COL16A1: variants seen among roughly 807,000 people sequenced by gnomAD.
COL16A1 encodes the protein collagen alpha-1(XVI) chain.
Under a neutral mutation model 266.3 loss-of-function variants are expected in COL16A1, and 189 were observed. The ratio of observed to expected loss-of-function variants is 0.71; its 90% CI spans 0.63 to 0.80. COL16A1 has a LOEUF of 0.80. Ranked by LOEUF, COL16A1 falls within the 30% of genes least tolerant of loss-of-function variation. COL16A1 has a pLI of 0.00. For synonymous variants in COL16A1, 740 were observed against 782.3 expected, an observed-to-expected ratio of 0.95 and a Z score of 0.90; for missense variants, 1,928 against 2,122.4, an observed-to-expected ratio of 0.91 and a Z score of 1.80.
chr1:31,668,830 G>A lies in COL16A1; in HGVS notation c.3221C>T (p.Thr1074Met), dbSNP rs773451673. 1.4e-5 allele frequency: 22 copies of A among 1,613,706 alleles called. No homozygotes were observed. The highest frequency in any genetic ancestry group is 6.6e-5 in the South Asian group (6 of 91,054). Reference protein sequence around the residue: ...LPGLQGERGLTGLTGDKGEPG... With the variant: ...LPGLQGERGLMGLTGDKGEPG... ...CTCCCCCTTGTCTCCAGTCAGGCCC[G>A]TGAGACCTCGCTCTCCTTGAAGGCC... is the stretch of plus-strand genomic sequence containing the variant. Residue 1074 changes from threonine to methionine, a missense_variant, in exon 50 of 71, where the codon ACG (threonine) becomes ATG (methionine). Transcript: ENST00000373672. This position sits in a 1 kb window ranked among gnomAD's most constrained non-coding sequence, Gnocchi z 5.8.
chr1:31,699,886 T>C lies in COL16A1; in HGVS notation c.193A>G (p.Ile65Val). 1.2e-6 allele frequency: 2 copies of C among 1,614,110 alleles called. No individual in the cohort carries two copies. The highest frequency in any genetic ancestry group is 1.7e-6 in the Non-Finnish European group (2 of 1,179,954). The change falls in exon 4 of 71, where the codon ATC becomes GTC. Residue 65 changes from isoleucine (I) to valine (V), a missense_variant. Coordinates refer to ENST00000373672, the MANE Select transcript of COL16A1 (RefSeq NM_001856.4). ...CCCTTGGGGTTGCGGATCTTCTTGA[T>C]GGCAGACGTCTTCATGAGGCTGAGT... is the stretch of plus-strand genomic sequence containing the variant. The part of the protein sequence containing the change: ...HRLSLMKTSA[I>V]KKIRNPKGPL...
chr1:31,655,804 C>A, intron 66 of COL16A1: 1 of 408,130 alleles, frequency 2.5e-6, no homozygotes, highest in East Asian at 4.8e-5. Flanking sequence ...TCCTCAGCCT[C>A]CTCTCCCCAC....
At position 31,664,156 on chromosome 1, in the gene COL16A1, A is replaced by AGGAAGG. The variant is rs71006319; in HGVS notation, c.3555+1010_3555+1015dup. 2.2e-3 allele frequency among the ~76,000 whole-genome samples: 293 copies of AGGAAGG among 135,022 alleles called. 2 individuals carry two copies. The highest frequency in any genetic ancestry group is 6.2e-3 in the African/African-American group (203 of 32,646). The allele number at this position is 135,022 out of a possible 152,430, so 88.6% of individuals were successfully genotyped here. A position where few individuals can be genotyped will look rare whatever the true frequency, so the allele number is the denominator to read the frequency against. On this transcript the variant is annotated intron_variant, in intron 56 of 70. Coordinates refer to ENST00000373672, the MANE Select transcript of COL16A1 (RefSeq NM_001856.4). The surrounding 1 kb of genome is among the most constrained non-coding windows in gnomAD (Gnocchi z 5.5). ...TGCCACTCAGGTCCTGGGGAGGGGA[A>AGGAAGG]GGAAGGGGAAGGGGAAGGGGAAGGG...
At chr1:31,690,115 G>C (rs991938658) in intron 22 of COL16A1, 4 of 643,924 alleles carry the variant, frequency 6.2e-6, no homozygotes, top group Non-Finnish European at 7.9e-6. Flanking sequence ...TGGAAACTTG[G>C]GCTAAGAGAG....
rs1236284328 is a variant in COL16A1, at chr1:31,665,632, C to A, written c.3457-14G>T. 1 of 1,612,828 alleles carries A rather than the reference C, an allele frequency of 6.2e-7. No individual in the cohort carries two copies. The highest frequency in any genetic ancestry group is 8.5e-7 in the Non-Finnish European group (1 of 1,179,364). On this transcript the variant is annotated splice_polypyrimidine_tract_variant and intron_variant, in intron 54 of 70. Transcript: ENST00000373672. ...GCCTTGAAATCCCTAGGGTGAGAAG[C>A]AAGGGGCAGTGTGCTGTGCCACCCC...
In COL16A1 at chr1:31,697,898, G is replaced by T; in HGVS notation, c.657+8C>A. ...GGAACAGAGGTCAGGGCCTGACCTA[G>T]CACTCACCGAGACAGGCTTGCCCTG... On this transcript the variant is annotated splice_region_variant and intron_variant, in intron 6 of 70. Coordinates refer to ENST00000373672, the MANE Select transcript of COL16A1 (RefSeq NM_001856.4). This position sits in a 1 kb window ranked among gnomAD's most constrained non-coding sequence, Gnocchi z 4.2. The T allele has an allele frequency of 1.9e-6, 3 of 1,606,350 alleles. No individual in the cohort carries two copies. Among genetic ancestry groups the T allele is most frequent in the Non-Finnish European group, 2.6e-6 (3 of 1,176,090 alleles).
intron 22 of COL16A1, 37 bp from the exon 23 acceptor site, chr1:31,689,888 G>A (rs375699787): frequency 3.1e-4 from 496 of 1,590,514 alleles, no homozygotes; most frequent in Non-Finnish European, 4.0e-4. Context: ...GACAGGGTGG[G>A]GCTGAGACCC....
intron 8 of COL16A1, 83 bp from the exon 9 acceptor site, chr1:31,696,224 C>T (rs1434562267): frequency 7.2e-6 from 9 of 1,252,590 alleles, no homozygotes; most frequent in Admixed American, 3.5e-5. Flanking sequence ...AGGCAGGGGG[C>T]ATGGGCCCCA....
Position 31,691,050 on chromosome 1 carries a change from C to A in COL16A1, c.1437+138G>T, listed in dbSNP as rs562723398. ...TCCCCGCCAAGGGGCCTGGCCAAGC[C>A]GAGCCCAGCCTCCTCCTCCAAAGGC... On this transcript the variant is annotated intron_variant, in intron 20 of 70. Coordinates refer to ENST00000373672, the MANE Select transcript of COL16A1 (RefSeq NM_001856.4). 8.6e-6 allele frequency: 12 copies of A among 1,396,002 alleles called. No homozygotes were observed. The East Asian group carries it at 2.5e-4, about 30-fold the overall frequency. 86.5% of individuals were successfully genotyped at this position (1,396,002 alleles called of 1,614,324 possible). A position where few individuals can be genotyped will look rare whatever the true frequency, so the allele number is the denominator to read the frequency against.
chr1:31,671,441 G>A (rs1451387677), intron 48 of COL16A1, among the ~76,000 whole-genome samples, 174 bp downstream of exon 48: 2 of 152,172 alleles, frequency 1.3e-5, no homozygotes, highest in South Asian at 4.1e-4. Context: ...CAGGGCATCC[G>A]GTGGTGGGAG....
In COL16A1 at chr1:31,657,368, G is replaced by A. The variant is rs1199192121; in HGVS notation, c.4021-300C>T. 3 of 461,472 alleles carry A rather than the reference G, an allele frequency of 6.5e-6. No individual in the cohort carries two copies. The highest frequency in any genetic ancestry group is 1.2e-5 in the Non-Finnish European group (3 of 255,114). 28.6% of individuals were successfully genotyped at this position (461,472 alleles called of 1,614,324 possible). A position where few individuals can be genotyped will look rare whatever the true frequency, so the allele number is the denominator to read the frequency against. ...ATCCTGGCACCTTGCACACTCCCTG[G>A]CTCTGAATCTATGTTAAACGTTTGC... On this transcript the variant is annotated intron_variant, in intron 64 of 70. Coordinates refer to ENST00000373672, the MANE Select transcript of COL16A1 (RefSeq NM_001856.4). The surrounding 1 kb of genome is among the most constrained non-coding windows in gnomAD (Gnocchi z 6.4).
At position 31,659,369 on chromosome 1, in the gene COL16A1, G is replaced by T. The variant is rs1641443952; in HGVS notation, c.3880-405C>A. On this transcript the variant is annotated intron_variant, in intron 62 of 70. Transcript: ENST00000373672. ...GAGGAGGGAAGACCAGAAGCTGGGG[G>T]TCCGTGTAGCAGGGGGTGAGGGGCA... 2.0e-5 allele frequency among the ~76,000 whole-genome samples: 3 copies of T among 152,136 alleles called. No homozygotes were observed. The South Asian group carries it at 6.2e-4, about 32-fold the overall frequency.
intron 58 of COL16A1, 98 bp from the exon 59 acceptor site, chr1:31,661,802 T>G: frequency 7.6e-7 from 1 of 1,309,168 alleles, no homozygotes; most frequent in Non-Finnish European, 1.0e-6. Context: ...TCCCCAGCTA[T>G]CCTAAGATGG....
rs1255185903 is a variant in COL16A1, at chr1:31,671,673, CA to C, written c.3106-15del. The C allele has an allele frequency of 5.0e-6, 8 of 1,614,004 alleles. No homozygotes were observed. Among genetic ancestry groups the C allele is most frequent in the Non-Finnish European group, 6.8e-6 (8 of 1,179,982 alleles). ...GCCAGGCGGACCCTGCAAAGGAAGC[CA>C]AGGGAAATGGATGAAGAGGCCCAGG... On this transcript the variant is annotated splice_polypyrimidine_tract_variant and intron_variant, in intron 47 of 70. Coordinates refer to ENST00000373672, the MANE Select transcript of COL16A1 (RefSeq NM_001856.4).
chr1:31,652,968 CAT>C lies in COL16A1; in HGVS notation c.4613-117_4613-116del, dbSNP rs900382393. 1.7e-4 allele frequency: 184 copies of C among 1,081,056 alleles called. 2 individuals carry two copies. The highest frequency in any genetic ancestry group is 9.0e-4 in the East Asian group (30 of 33,428). The allele number at this position is 1,081,056 out of a possible 1,614,324, so 67.0% of individuals were successfully genotyped here. ...TTGATGACTGTTTCTCAAGTTACCA[CAT>C]GTTTTCATGAAGACCTAGTCTGATC... On this transcript the variant is annotated intron_variant, in intron 70 of 70. Coordinates refer to ENST00000373672, the MANE Select transcript of COL16A1 (RefSeq NM_001856.4). This position sits in a 1 kb window ranked among gnomAD's most constrained non-coding sequence, Gnocchi z 4.8.
In COL16A1 at chr1:31,686,138, G is replaced by T; in HGVS notation, c.1840-3C>A. On this transcript the variant is annotated splice_polypyrimidine_tract_variant and splice_region_variant and intron_variant, in intron 27 of 70. Transcript: ENST00000373672. Reference sequence around the variant, plus strand: ...GGCCCCACTGGTCCTGGTGGCCCCTGCATGTTAAGACGCTACAGGTAATGC... The same window carrying T: ...GGCCCCACTGGTCCTGGTGGCCCCTTCATGTTAAGACGCTACAGGTAATGC... The T allele has an allele frequency of 6.2e-7, 1 of 1,614,110 alleles. No individual in the cohort carries two copies. Among genetic ancestry groups the T allele is most frequent in the Non-Finnish European group, 8.5e-7 (1 of 1,180,028 alleles).
Position 31,662,314 on chromosome 1 carries a change from C to G in COL16A1, c.3681+20G>C. On this transcript the variant is annotated intron_variant, in intron 58 of 70. Coordinates refer to ENST00000373672, the MANE Select transcript of COL16A1 (RefSeq NM_001856.4). Reference sequence around the variant, plus strand: ...AAAAGGAGAGGAAGGGGTGCCCGCCCTCCCAGCCCATCATCTCACCCTCAA... The same window carrying G: ...AAAAGGAGAGGAAGGGGTGCCCGCCGTCCCAGCCCATCATCTCACCCTCAA... 6.2e-7 allele frequency: 1 copy of G among 1,608,030 alleles called. No individual in the cohort carries two copies. The highest frequency in any genetic ancestry group is 8.5e-7 in the Non-Finnish European group (1 of 1,177,218).
Position 31,668,751 on chromosome 1 carries a change from A to G in COL16A1, c.3249+51T>C. On this transcript the variant is annotated intron_variant, in intron 50 of 70. Coordinates refer to ENST00000373672, the MANE Select transcript of COL16A1 (RefSeq NM_001856.4). This position sits in a 1 kb window ranked among gnomAD's most constrained non-coding sequence, Gnocchi z 5.8. ...TTCAGAGCTCAAGCTCTGCCTCCCC[A>G]GCTCTTCCTCCCTTTCCAGCCCTTT... The G allele has an allele frequency of 1.2e-6, 2 of 1,604,356 alleles. No individual in the cohort carries two copies. The highest frequency in any genetic ancestry group is 1.1e-5 in the South Asian group (1 of 90,840).
rs1207795335 is a variant in COL16A1 at position 31,663,723 on chromosome 1, A to C, written c.3556-1065T>G. 6.6e-6 allele frequency among the ~76,000 whole-genome samples: 1 copy of C among 152,206 alleles called. No individual in the cohort carries two copies. The highest frequency in any genetic ancestry group is 2.4e-5 in the African/African-American group (1 of 41,450). ...TTTTACATTTGCTTTTATGTGATAA[A>C]AAGACTCTGGGACTACAAAATAAAG... is the stretch of plus-strand genomic sequence containing the variant. On this transcript the variant is annotated intron_variant, in intron 56 of 70. Transcript: ENST00000373672. This position sits in a 1 kb window ranked among gnomAD's most constrained non-coding sequence, Gnocchi z 4.9.
Sources: allele counts gnomAD v4.1 joint callset (sites outside exome capture counted in the v4.1 genomes callset), GRCh38; gene constraint gnomAD v4.1.1; non-coding constraint Gnocchi (gnomAD v3.1); transcripts MANE v1.5; gene names NCBI Gene and HGNC (gene_info 2026-07-23, HGNC 2026-07-21).